Variants in EHBP1 observed in about 807,000 individuals in gnomAD.
The protein encoded by EHBP1 is EH domain binding protein 1, also known as EH domain-binding protein 1.
Under a neutral mutation model 144.0 loss-of-function variants are expected in EHBP1, and 55 were observed. That is an observed-to-expected ratio of 0.38 (90% CI 0.31 to 0.48). EHBP1 has a LOEUF of 0.48. EHBP1 is among the 20% of genes least tolerant of loss of function. The pLI is 0.98. For missense variants in EHBP1, 1,200 were observed against 1,364.2 expected, an observed-to-expected ratio of 0.88 and a Z score of 1.90; for synonymous variants, 469 against 472.7, an observed-to-expected ratio of 0.99 and a Z score of 0.10.
chr2:62,895,496 C>A (rs2052837061), intron 10 of EHBP1, among the ~76,000 whole-genome samples: 4 of 152,170 alleles, frequency 2.6e-5, no homozygotes, highest in Admixed American at 2.6e-4. Context: ...GCCCCAGTGA[C>A]TTCCTTTGAT....
At position 62,781,847 on chromosome 2, in the gene EHBP1, A is replaced by G. The variant is rs148286161; in HGVS notation, c.312+10455A>G. On this transcript the variant is annotated intron_variant, in intron 5 of 22. Coordinates refer to ENST00000431489, the MANE Select transcript of EHBP1 (RefSeq NM_001142616.3). ...GCTTCACCTGCCTCTTAAAATAAAA[A>G]TAAGCTATATCAGCTGATCAGTTAA... Among the ~76,000 whole-genome samples, 945 of 152,370 alleles carry G rather than the reference A, an allele frequency of 6.2e-3. 11 individuals carry two copies. The highest frequency in any genetic ancestry group is 0.022 in the African/African-American group (918 of 41,582).
At chr2:62,972,547 A>T (rs1269593741) in intron 14 of EHBP1, among the ~76,000 whole-genome samples, 1 of 152,206 alleles carries the variant, frequency 6.6e-6, no homozygotes, top group Non-Finnish European at 1.5e-5. Context: ...GGCATAATCA[A>T]TTACTATAAT....
intron 14 of EHBP1, among the ~76,000 whole-genome samples, chr2:62,962,976 C>T (rs1237402525): frequency 6.6e-6 from 1 of 152,202 alleles, no homozygotes; most frequent in Non-Finnish European, 1.5e-5. Context: ...TCTCACATAA[C>T]AGGTAGCAGG....
At chr2:62,856,477 T>A (rs1449039329) in intron 7 of EHBP1, among the ~76,000 whole-genome samples, 2 of 152,210 alleles carry the variant, frequency 1.3e-5, no homozygotes, top group African/African-American at 4.8e-5. Flanking sequence ...GCAGCTGGTG[T>A]GTCTGACTGC....
chr2:62,717,853 T>G (rs1163593476), intron 2 of EHBP1, among the ~76,000 whole-genome samples: 1 of 152,170 alleles, frequency 6.6e-6, no homozygotes, highest in Non-Finnish European at 1.5e-5. Context: ...ATAAATAGAA[T>G]GATGGTCTTA....
rs112163657 is a variant in EHBP1, at chr2:63,045,195, G to A, written c.3392+15G>A. 1.7e-4 allele frequency: 266 copies of A among 1,566,064 alleles called. 1 individual carries two copies. The African/African-American group carries it at 2.9e-3, about 17-fold the overall frequency. Reference sequence around the variant, plus strand: ...CAGGAGAAGCAGTGAGTGGGCAGTGGGGTCGGGTCGAGGCTGGGCCACCTG... The same window carrying A: ...CAGGAGAAGCAGTGAGTGGGCAGTGAGGTCGGGTCGAGGCTGGGCCACCTG... On this transcript the variant is annotated intron_variant, in intron 22 of 22. Coordinates refer to ENST00000431489, the MANE Select transcript of EHBP1 (RefSeq NM_001142616.3). This position sits in a 1 kb window ranked among gnomAD's most constrained non-coding sequence, Gnocchi z 5.7.
chr2:63,003,964 C>G (rs1366041565), intron 19 of EHBP1, among the ~76,000 whole-genome samples: 1 of 151,948 alleles, frequency 6.6e-6, no homozygotes, highest in East Asian at 1.9e-4. Context: ...GCATTGTAGT[C>G]TTTTAGAAAT....
At chr2:62,698,855 G>A (rs942992778) in intron 1 of EHBP1, among the ~76,000 whole-genome samples, 1 of 152,196 alleles carries the variant, frequency 6.6e-6, no homozygotes, top group African/African-American at 2.4e-5. Flanking sequence ...AGTTAATCCT[G>A]CCCTTTGAAA....
chr2:62,751,302 G>C (rs924579382), intron 3 of EHBP1, among the ~76,000 whole-genome samples: 1 of 152,194 alleles, frequency 6.6e-6, no homozygotes, highest in Non-Finnish European at 1.5e-5. Context: ...ATTTTCGTAT[G>C]TTGAAACAGC....
chr2:62,822,500 TTG>T (rs2046055519), intron 5 of EHBP1, among the ~76,000 whole-genome samples: 2 of 152,222 alleles, frequency 1.3e-5, no homozygotes, highest in Non-Finnish European at 2.9e-5. Context: ...ACACTGTTTA[TTG>T]AGTGCTGACT....
intron 1 of EHBP1, among the ~76,000 whole-genome samples, chr2:62,687,571 G>A (rs940816216): frequency 9.9e-5 from 15 of 152,076 alleles, no homozygotes; most frequent in Admixed American, 4.6e-4. Context: ...TAATTTTCTA[G>A]GTATTTCTAT....
chr2:62,889,532 G>A (rs933493103), intron 10 of EHBP1, among the ~76,000 whole-genome samples: 3 of 152,030 alleles, frequency 2.0e-5, no homozygotes, highest in Admixed American at 2.0e-4. Flanking sequence ...GTAGTTTTGG[G>A]TTTTACATTT....
At chr2:62,835,031 C>G (rs1249040483) in intron 7 of EHBP1, among the ~76,000 whole-genome samples, 1 of 152,152 alleles carries the variant, frequency 6.6e-6, no homozygotes, top group Non-Finnish European at 1.5e-5. Context: ...CTTAAAGCCT[C>G]ATTATAATTT....
At chr2:62,930,898 T>C (rs2055931611) in intron 10 of EHBP1, among the ~76,000 whole-genome samples, 1 of 152,138 alleles carries the variant, frequency 6.6e-6, no homozygotes, top group Non-Finnish European at 1.5e-5. Flanking sequence ...AAGACTTCAA[T>C]GTAAGGGCTA....
At chr2:62,796,819 C>G (rs2043566144) in intron 5 of EHBP1, among the ~76,000 whole-genome samples, 1 of 150,424 alleles carries the variant, frequency 6.6e-6, no homozygotes, top group African/African-American at 2.4e-5. Context: ...CTTTCCATGA[C>G]TTCTGACTTT....
At chr2:62,846,314 T>G (rs2048297793) in intron 7 of EHBP1, among the ~76,000 whole-genome samples, 1 of 152,152 alleles carries the variant, frequency 6.6e-6, no homozygotes. Flanking sequence ...CAGAAGGCAA[T>G]TAATATTCAA....
intron 1 of EHBP1, among the ~76,000 whole-genome samples, chr2:62,685,099 A>G (rs1354110371): frequency 2.0e-5 from 3 of 152,216 alleles, no homozygotes; most frequent in Admixed American, 1.3e-4. Context: ...TACAAGGTAT[A>G]TTGGACAGTC....
chr2:63,042,866 T>C (rs181196417), intron 21 of EHBP1, among the ~76,000 whole-genome samples: 2,168 of 152,060 alleles, frequency 0.014, 25 homozygotes, highest in Non-Finnish European at 0.022. Flanking sequence ...CTTGGTTTAA[T>C]TTTTTTAATA....
intron 15 of EHBP1, among the ~76,000 whole-genome samples, chr2:62,987,610 A>G (rs187878727): frequency 2.2e-4 from 34 of 152,246 alleles, no homozygotes; most frequent in Admixed American, 6.5e-4. Context: ...TTTGTGTGCC[A>G]TTGTTAGAGT....
Sources: allele counts gnomAD v4.1 joint callset (sites outside exome capture counted in the v4.1 genomes callset), GRCh38; gene constraint gnomAD v4.1.1; non-coding constraint Gnocchi (gnomAD v3.1); transcripts MANE v1.5; gene names NCBI Gene and HGNC (gene_info 2026-07-23, HGNC 2026-07-21).